GIP: variants seen among roughly 807,000 people sequenced by gnomAD.
The protein encoded by GIP is glucose-dependent insulinotropic polypeptide.
Under a neutral mutation model 18.1 loss-of-function variants are expected in GIP, and 16 were observed. The ratio of observed to expected loss-of-function variants is 0.88; its 90% CI spans 0.60 to 1.34. The LOEUF is 1.34. Ranked by LOEUF, GIP falls within the 40% of genes most tolerant of loss-of-function variation. The probability of loss-of-function intolerance (pLI) is 0.00; values close to 1 mark genes in which losing one functional copy is unlikely to be tolerated. For synonymous variants in GIP, 76 were observed against 74.0 expected (o/e 1.03, Z -0.14); for missense variants, 192 against 183.4 (o/e 1.05, Z -0.27).
chr17:48,964,983 C>CA (rs1036356632), intron 2 of GIP, among the ~76,000 whole-genome samples: 4 of 150,688 alleles, frequency 2.7e-5, no homozygotes, highest in Admixed American at 1.3e-4. Flanking sequence ...ACTAAAAATA[C>CA]AAAAAATTAG....
At chr17:48,964,085 G>A (rs1306229583) in intron 3 of GIP, among the ~76,000 whole-genome samples, 1 of 150,362 alleles carries the variant, frequency 6.7e-6, no homozygotes, top group Non-Finnish European at 1.5e-5. Flanking sequence ...GCGTGAACCC[G>A]GGAGGCGGAG....
In GIP at chr17:48,964,384, G is replaced by A; in HGVS notation, c.183C>T (p.Tyr61=). 3.1e-6 allele frequency: 5 copies of A among 1,613,648 alleles called. No individual in the cohort carries two copies. Among genetic ancestry groups the A allele is most frequent in the East Asian group, 2.2e-5 (1 of 44,864 alleles). Residue 61 remains tyrosine (Y), a synonymous_variant, in exon 3 of 6, where the codon TAC becomes TAT. Transcript: ENST00000357424. The part of the protein sequence containing the change: ...RYAEGTFISD[Y]SIAMDKIHQQ... ...GGTGAATCTTGTCCATGGCAATACT[G>A]TAGTCACTGATGAAAGTCCCTTCCG...
chr17:48,964,423 T>TGGGG lies in GIP; in HGVS notation c.143_144insCCCC (p.Gly49ProfsTer13). Reference sequence around the variant, plus strand: ...AAGTCCCTTCCGCGTACCTGGGGCCTCGAGGTTGAGGGCTGCTCACCTTAG... The same window carrying TGGGG: ...AAGTCCCTTCCGCGTACCTGGGGCCTGGGGCGAGGTTGAGGGCTGCTCACCTTAG... On this transcript the variant is annotated frameshift_variant, in exon 3 of 6. Coordinates refer to ENST00000357424, the MANE Select transcript of GIP (RefSeq NM_004123.3). LOFTEE classifies it high-confidence loss of function. 1 of 1,613,946 alleles carries TGGGG rather than the reference T, an allele frequency of 6.2e-7. No individual in the cohort carries two copies. Among genetic ancestry groups the TGGGG allele is most frequent in the Non-Finnish European group, 8.5e-7 (1 of 1,179,924 alleles).
chr17:48,961,033 C>T (rs1276641276), intron 4 of GIP, 46 bp from the exon 5 acceptor site: 7 of 1,316,518 alleles, frequency 5.3e-6, no homozygotes, highest in Non-Finnish European at 7.4e-6. Context: ...CTGAGCTTCG[C>T]CCAGAGAGGG....
chr17:48,961,359 A>G (rs1401763414), intron 4 of GIP, among the ~76,000 whole-genome samples: 1 of 152,140 alleles, frequency 6.6e-6, no homozygotes, highest in Non-Finnish European at 1.5e-5. Flanking sequence ...GCCTGGGAAG[A>G]TCCCCCGCTC....
chr17:48,966,562 A>C (rs112394057), intron 2 of GIP, among the ~76,000 whole-genome samples: 2,491 of 150,648 alleles, frequency 0.017, 42 homozygotes, highest in South Asian at 0.06. Flanking sequence ...ATCCCCCCCC[A>C]AAAAAAAAGA....
In GIP at chr17:48,960,957, A is replaced by G; in HGVS notation, c.381T>C (p.Asp127=). ...CTTGAATCAGCAAGTCCCGCAGCAA[A>G]TCTTCATCGCTGGGGTTCTTGGCTG... ...SSPAKNPSDE[D]LLRDLLIQEL... The change falls in exon 5 of 6, where the codon GAT becomes GAC. Residue 127 remains aspartate (D), a synonymous_variant. Coordinates refer to ENST00000357424, the MANE Select transcript of GIP (RefSeq NM_004123.3). 1.9e-6 allele frequency: 3 copies of G among 1,610,072 alleles called. No homozygotes were observed. The highest frequency in any genetic ancestry group is 2.5e-6 in the Non-Finnish European group (3 of 1,178,452).
intron 2 of GIP, among the ~76,000 whole-genome samples, chr17:48,965,356 G>A (rs1165131365): frequency 6.8e-6 from 1 of 147,474 alleles, no homozygotes; most frequent in Non-Finnish European, 1.5e-5. Flanking sequence ...TGTAATCCCA[G>A]CACTCTGGGA....
intron 5 of GIP, 66 bp downstream of exon 5, chr17:48,960,820 G>T: frequency 2.1e-6 from 2 of 950,910 alleles, no homozygotes; most frequent in Middle Eastern, 2.0e-4. Context: ...GAGGGGCAAA[G>T]ATCTGAATCC....
chr17:48,961,116 C>T (rs1204454066), intron 4 of GIP, 129 bp from the exon 5 acceptor site: 10 of 608,040 alleles, frequency 1.6e-5, no homozygotes, highest in Admixed American at 3.1e-5. Context: ...GCTATCTCTC[C>T]GTTGGCTCAG....
chr17:48,961,284 G>T (rs2041199390), intron 4 of GIP, among the ~76,000 whole-genome samples: 1 of 152,168 alleles, frequency 6.6e-6, no homozygotes, highest in South Asian at 2.1e-4. Flanking sequence ...AGTACTTTGG[G>T]CACATTCACT....
At position 48,964,498 on chromosome 17, in the gene GIP, G is replaced by C; in HGVS notation, c.87-18C>G. ...GGAGAGCGCTGGAAACAAGGGTGCGGAGAAGGGGCAGAGATGGGGGGAGAA... is the reference window on the plus strand; with the variant it reads ...GGAGAGCGCTGGAAACAAGGGTGCGCAGAAGGGGCAGAGATGGGGGGAGAA... On this transcript the variant is annotated intron_variant, in intron 2 of 5. Coordinates refer to ENST00000357424, the MANE Select transcript of GIP (RefSeq NM_004123.3). 1 of 1,610,908 alleles carries C rather than the reference G, an allele frequency of 6.2e-7. No homozygotes were observed. Among genetic ancestry groups the C allele is most frequent in the African/African-American group, 1.3e-5 (1 of 74,998 alleles).
At chr17:48,960,820 G>A (rs1481460004) in intron 5 of GIP, 66 bp downstream of exon 5, 10 of 950,792 alleles carry the variant, frequency 1.1e-5, no homozygotes, top group Non-Finnish European at 1.7e-5. Context: ...GAGGGGCAAA[G>A]ATCTGAATCC....
At chr17:48,961,326 G>A (rs745307636) in intron 4 of GIP, among the ~76,000 whole-genome samples, 59 of 152,296 alleles carry the variant, frequency 3.9e-4, no homozygotes, top group African/African-American at 1.3e-3. Context: ...TCAGAGAGGG[G>A]ATAACTGATT....
chr17:48,961,333 G>C (rs955537662), intron 4 of GIP, among the ~76,000 whole-genome samples: 10 of 152,184 alleles, frequency 6.6e-5, no homozygotes, highest in Non-Finnish European at 1.5e-4. Context: ...GGGGATAACT[G>C]ATTTCAGGGG....
At chr17:48,960,837 G>T in intron 5 of GIP, 49 bp downstream of exon 5, 2 of 1,124,464 alleles carry the variant, frequency 1.8e-6, no homozygotes, top group Non-Finnish European at 1.3e-6. Flanking sequence ...ATCCATGTCT[G>T]ATGCCCAAGC....
chr17:48,960,412 C>G (rs7214070), intron 5 of GIP, among the ~76,000 whole-genome samples: 78 of 5,016 alleles, frequency 0.016, 1 homozygote, highest in Non-Finnish European at 0.024. Flanking sequence ...GACAGGCAGG[C>G]CACAGGATGG....
intron 3 of GIP, among the ~76,000 whole-genome samples, chr17:48,963,911 T>C (rs961200715): frequency 2.1e-5 from 3 of 140,886 alleles, no homozygotes; most frequent in African/African-American, 8.0e-5. Context: ...ATCCCAGCAC[T>C]TGGGAGGCCG....
At chr17:48,960,662 CTTTTTTTTCTTTTG>C (rs2041195500) in intron 5 of GIP, among the ~76,000 whole-genome samples, 1 of 151,978 alleles carries the variant, frequency 6.6e-6, no homozygotes, top group South Asian at 2.1e-4. Flanking sequence ...CTTGAATTGT[CTTTTTTTTCTTTTG>C]TTTTTTTTCT....
Sources: allele counts gnomAD v4.1 joint callset (sites outside exome capture counted in the v4.1 genomes callset), GRCh38; gene constraint gnomAD v4.1.1; transcripts MANE v1.5; gene names NCBI Gene and HGNC (gene_info 2026-07-23, HGNC 2026-07-21).